GPR84: variants seen among roughly 807,000 people sequenced by gnomAD.
GPR84 encodes G protein-coupled receptor 84.
A neutral mutation model predicts 14.9 loss-of-function variants in GPR84; 8 were observed. That is an observed-to-expected ratio of 0.54 (90% CI 0.31 to 0.97). The LOEUF (loss-of-function observed/expected upper bound fraction) is 0.97, where lower values mean the gene tolerates loss of function less well. GPR84 is among the 50% of genes least tolerant of loss of function. The pLI, the probability that GPR84 is intolerant of heterozygous loss-of-function variation, is 0.04. For missense variants in GPR84, 424 were observed against 498.7 expected (o/e 0.85, Z 1.43); for synonymous variants, 164 against 198.1 (o/e 0.83, Z 1.45).
At chr12:54,354,438 T>C in the GPR84 span, among the ~76,000 whole-genome samples, 1 of 151,808 alleles carries the variant, frequency 6.6e-6, no homozygotes, top group Non-Finnish European at 1.5e-5. Flanking sequence ...TTTGTTTGTT[T>C]GTTTGTTTGT....
At chr12:54,355,558 G>A in the GPR84 span, among the ~76,000 whole-genome samples, 2 of 152,022 alleles carry the variant, frequency 1.3e-5, no homozygotes, top group African/African-American at 2.4e-5. Context: ...CAGGCCTGCT[G>A]GAATGTCCAG....
chr12:54,358,239 G>A (rs1474908251), downstream of GPR84, among the ~76,000 whole-genome samples: 1 of 152,106 alleles, frequency 6.6e-6, no homozygotes, highest in Non-Finnish European at 1.5e-5. Flanking sequence ...GCATGGGATG[G>A]GGAGCTTACT....
At chr12:54,359,230 G>A (rs1005331858), downstream of GPR84, among the ~76,000 whole-genome samples, 2 of 152,216 alleles carry the variant, frequency 1.3e-5, no homozygotes, top group African/African-American at 4.8e-5. Context: ...GGCCAAGGTG[G>A]TTTGGCCAAT....
Position 54,363,732 on chromosome 12 carries a change from G to T in GPR84, c.120C>A (p.Leu40=). The T allele has an allele frequency of 6.2e-7, 1 of 1,613,968 alleles. No individual in the cohort carries two copies. The highest frequency in any genetic ancestry group is 8.5e-7 in the Non-Finnish European group (1 of 1,179,950). The change falls in exon 2 of 2, where the codon CTC becomes CTA. Residue 40 remains leucine (L), a synonymous_variant. Transcript: ENST00000267015. ...VAVTGTVGNV[L]TLLALAIQPK... ...GCTGGATGGCCAAGGCCAGTAGGGT[G>T]AGCACATTGCCCACGGTGCCTGTCA... is the stretch of plus-strand genomic sequence containing the variant.
At chr12:54,357,426 C>G in the GPR84 span, among the ~76,000 whole-genome samples, 1 of 152,208 alleles carries the variant, frequency 6.6e-6, no homozygotes, top group Non-Finnish European at 1.5e-5. Context: ...AAACCCAGAA[C>G]AAGCCCTTTC....
chr12:54,363,597 G>C lies in GPR84; in HGVS notation c.255C>G (p.His85Gln), dbSNP rs772514000. The change falls in exon 2 of 2, where the codon CAC becomes CAG. Residue 85 changes from histidine (H) to glutamine (Q), a missense_variant. Transcript: ENST00000267015. ...TGCAGAAGGTGGCACCGGTGCGCCA[G>C]TGCAGGTGGAGGTAGGTGTCCACAG... ...PFSVDTYLHL[H>Q]WRTGATFCRV... 2 of 1,614,114 alleles carry C rather than the reference G, an allele frequency of 1.2e-6. No individual in the cohort carries two copies.
At chr12:54,355,327 AGTGTGTGT>A in the GPR84 span, among the ~76,000 whole-genome samples, 8 of 146,940 alleles carry the variant, frequency 5.4e-5, no homozygotes, top group African/African-American at 1.2e-4. Flanking sequence ...TGTGTGTGTG[AGTGTGTGT>A]GTGTGTGTGT....
chr12:54,360,494 T>G (rs1954257999), downstream of GPR84, among the ~76,000 whole-genome samples: 1 of 152,162 alleles, frequency 6.6e-6, no homozygotes, highest in Admixed American at 6.5e-5. Context: ...TAAACTGTTG[T>G]TCTTCATTGG....
At chr12:54,358,098 A>AC (rs1054828306), downstream of GPR84, among the ~76,000 whole-genome samples, 7 of 151,872 alleles carry the variant, frequency 4.6e-5, no homozygotes, top group South Asian at 2.1e-4. Context: ...CCCCAGCTGC[A>AC]CCCCCCAGTG....
rs1234855555 is a variant in GPR84 at position 54,363,526 on chromosome 12, A to G, written c.326T>C (p.Leu109Pro). ...LLFASNSVSI[L>P]TLCLIALGRY... ...TCCCAGTGCGATGAGGCAGAGGGTC[A>G]GGATGGAGACAGAATTGGAGGCAAA... is the stretch of plus-strand genomic sequence containing the variant. The change falls in exon 2 of 2, where the codon CTG becomes CCG. Residue 109 changes from leucine to proline, a missense_variant. Leu to Pro is a moderately conservative substitution (Grantham distance 98). Transcript: ENST00000267015. The G allele has an allele frequency of 6.2e-7, 1 of 1,614,032 alleles. No individual in the cohort carries two copies. The highest frequency in any genetic ancestry group is 1.3e-5 in the African/African-American group (1 of 75,046).
chr12:54,360,634 A>G (rs1954259205), downstream of GPR84, among the ~76,000 whole-genome samples: 2 of 152,210 alleles, frequency 1.3e-5, no homozygotes, highest in Non-Finnish European at 2.9e-5. Flanking sequence ...CCTGGACCCT[A>G]GAAGTGTGTT....
the GPR84 span, among the ~76,000 whole-genome samples, chr12:54,356,563 A>G: frequency 6.6e-6 from 1 of 152,190 alleles, no homozygotes; most frequent in Non-Finnish European, 1.5e-5. Flanking sequence ...AGAAGCCTCC[A>G]CAAACCCAGC....
At chr12:54,354,505 T>C in the GPR84 span, among the ~76,000 whole-genome samples, 1 of 151,684 alleles carries the variant, frequency 6.6e-6, no homozygotes, top group Non-Finnish European at 1.5e-5. Context: ...CAATCTTGTC[T>C]CACTGCAACC....
At chr12:54,352,415 G>A in the GPR84 span, among the ~76,000 whole-genome samples, 3 of 152,248 alleles carry the variant, frequency 2.0e-5, no homozygotes, top group South Asian at 2.1e-4. Context: ...ATCTTAATGG[G>A]GCGGTGAGCT....
chr12:54,363,958 C>T (rs1954301981), intron 1 of GPR84, 99 bp from the exon 2 acceptor site: 4 of 735,120 alleles, frequency 5.4e-6, no homozygotes, highest in Non-Finnish European at 4.4e-6. Flanking sequence ...CTAAACTGTT[C>T]CTGGACCTCA....
the GPR84 span, among the ~76,000 whole-genome samples, chr12:54,355,925 G>A: frequency 5.3e-5 from 8 of 152,292 alleles, no homozygotes; most frequent in East Asian, 1.5e-3. Flanking sequence ...TGTCTCTGAA[G>A]ACTTGGAAAA....
chr12:54,362,995 A>G lies in GPR84; in HGVS notation c.857T>C (p.Met286Thr), dbSNP rs1954287667. The change falls in exon 2 of 2, where the codon ATG (methionine) becomes ACG (threonine). Residue 286 changes from methionine (M) to threonine (T), a missense_variant. Met to Thr is a moderately conservative substitution (Grantham distance 81). Coordinates refer to ENST00000267015, the MANE Select transcript of GPR84 (RefSeq NM_020370.3). This position sits in a 1 kb window ranked among gnomAD's most constrained non-coding sequence, Gnocchi z 4.0. ...DQINSKRAKQ[M>T]AEKSPPEASA... Reference sequence around the variant, plus strand: ...TGCTTCTGGAGGGCTTTTCTCTGCCATCTGCTTAGCTCTCTTGCTGTTGAT... The same window carrying G: ...TGCTTCTGGAGGGCTTTTCTCTGCCGTCTGCTTAGCTCTCTTGCTGTTGAT... 1 of 1,614,192 alleles carries G rather than the reference A, an allele frequency of 6.2e-7. No homozygotes were observed. The highest frequency in any genetic ancestry group is 2.2e-5 in the East Asian group (1 of 44,888).
Position 54,363,366 on chromosome 12 carries a change from T to C in GPR84, c.486A>G (p.Val162=), listed in dbSNP as rs1299245517. 1 of 1,613,846 alleles carries C rather than the reference T, an allele frequency of 6.2e-7. No homozygotes were observed. The highest frequency in any genetic ancestry group is 8.5e-7 in the Non-Finnish European group (1 of 1,179,966). The change falls in exon 2 of 2, where the codon GTA becomes GTG. Residue 162 remains valine, a synonymous_variant. Coordinates refer to ENST00000267015, the MANE Select transcript of GPR84 (RefSeq NM_020370.3). ...FAPLWPIYIL[V]PVVCTCSFDR... ...CAAAGCTGCAGGTGCAGACTACAGG[T>C]ACCAGGATATAAATAGGCCAGAGGG...
the GPR84 span, among the ~76,000 whole-genome samples, chr12:54,355,353 T>TGTGTGTGC: frequency 0.017 from 2,647 of 151,498 alleles, 41 homozygotes; most frequent in Non-Finnish European, 0.027. Context: ...TGTGTGTGTG[T>TGTGTGTGC]GCGCATGGCA....
Sources: allele counts gnomAD v4.1 joint callset (sites outside exome capture counted in the v4.1 genomes callset), GRCh38; gene constraint gnomAD v4.1.1; non-coding constraint Gnocchi (gnomAD v3.1); transcripts MANE v1.5; gene names NCBI Gene and HGNC (gene_info 2026-07-23, HGNC 2026-07-21).